AS3MT: variants seen among roughly 807,000 people sequenced by gnomAD.
AS3MT encodes arsenite methyltransferase, also known as S-adenosyl-L-methionine:arsenic(III) methyltransferase.
Under a neutral mutation model 45.3 loss-of-function variants are expected in AS3MT, and 47 were observed. The ratio of observed to expected loss-of-function variants is 1.04; its 90% CI spans 0.82 to 1.32. The LOEUF (loss-of-function observed/expected upper bound fraction) is 1.32, where lower values mean the gene tolerates loss of function less well. Among genes scored for constraint, AS3MT ranks in the 40% most tolerant of loss-of-function variants. The probability of loss-of-function intolerance (pLI) is 0.00; values close to 1 mark genes in which losing one functional copy is unlikely to be tolerated. For synonymous variants in AS3MT, 141 were observed against 152.8 expected, an observed-to-expected ratio of 0.92 and a Z score of 0.57; for missense variants, 396 against 451.1, an observed-to-expected ratio of 0.88 and a Z score of 1.11.
At chr10:102,883,946 AT>A (rs1844906391) in intron 9 of AS3MT, among the ~76,000 whole-genome samples, 1 of 149,882 alleles carries the variant, frequency 6.7e-6, no homozygotes, top group Non-Finnish European at 1.5e-5. Flanking sequence ...TCTTTTAGCA[AT>A]TTTCTTTTTT....
intron 9 of AS3MT, chr10:102,887,955 A>C (rs1347365200): frequency 6.4e-6 from 1 of 155,814 alleles, no homozygotes; most frequent in East Asian, 1.9e-4. Flanking sequence ...TTATTCTTCA[A>C]ATATTTTTTG....
intron 9 of AS3MT, among the ~76,000 whole-genome samples, chr10:102,890,145 C>T (rs942431771): frequency 3.3e-5 from 5 of 151,026 alleles, no homozygotes; most frequent in South Asian, 2.1e-4. Flanking sequence ...GGACAACAGG[C>T]GCCTGCCACT....
intron 6 of AS3MT, among the ~76,000 whole-genome samples, chr10:102,875,866 C>T (rs1844776890): frequency 6.6e-6 from 1 of 152,088 alleles, no homozygotes; most frequent in Non-Finnish European, 1.5e-5. Flanking sequence ...CATGATCTGC[C>T]TCAGCCTCCC....
chr10:102,896,630 A>AC (rs1259595583), intron 10 of AS3MT, among the ~76,000 whole-genome samples: 1 of 151,812 alleles, frequency 6.6e-6, no homozygotes, highest in Non-Finnish European at 1.5e-5. Context: ...AGATGGTGAA[A>AC]CCCCGTCTCT....
At chr10:102,894,656 CAG>C (rs1309938506) in intron 10 of AS3MT, among the ~76,000 whole-genome samples, 1 of 152,116 alleles carries the variant, frequency 6.6e-6, no homozygotes, top group African/African-American at 2.4e-5. Flanking sequence ...ACTGATAGAA[CAG>C]ACTCTTTAAA....
intron 10 of AS3MT, among the ~76,000 whole-genome samples, chr10:102,891,329 C>T (rs911958700): frequency 6.6e-6 from 1 of 152,208 alleles, no homozygotes; most frequent in Middle Eastern, 3.2e-3. Flanking sequence ...GCCCTGCTCA[C>T]GCCTGACTAG....
rs145061159 is a variant in AS3MT, at chr10:102,892,560, G to A, written c.1020+1882G>A. Among the ~76,000 whole-genome samples the A allele has an allele frequency of 1.8e-4, 27 of 152,174 alleles. No homozygotes were observed. The East Asian group carries it at 4.8e-3, about 27-fold the overall frequency. On this transcript the variant is annotated intron_variant, in intron 10 of 10. Transcript: ENST00000369880. ...CCATCCCAATCATAAAGAATTTCCTGCTTCTCGTAGAATGAAAAGAAAATT... is the reference window on the plus strand; with the variant it reads ...CCATCCCAATCATAAAGAATTTCCTACTTCTCGTAGAATGAAAAGAAAATT...
intron 6 of AS3MT, among the ~76,000 whole-genome samples, chr10:102,875,488 A>G (rs1319819989): frequency 1.3e-5 from 2 of 151,056 alleles, no homozygotes; most frequent in African/African-American, 2.4e-5. Flanking sequence ...AAAAAAAAAA[A>G]AAAAAAAAAA....
At chr10:102,875,090 TG>T (rs1276992930) in intron 6 of AS3MT, among the ~76,000 whole-genome samples, 1 of 152,222 alleles carries the variant, frequency 6.6e-6, no homozygotes, top group African/African-American at 2.4e-5. Flanking sequence ...TTACAGAAGA[TG>T]GAACTTTTAC....
Position 102,869,757 on chromosome 10 carries a change from C to G in AS3MT, c.2-48C>G, listed in dbSNP as rs752222012. The stretch of plus-strand genomic sequence containing the variant: ...CTTTACTGGCCCCCTCCCTCATGCC[C>G]GTCCCTCAGCACCCTCTCCTTTCAA... On this transcript the variant is annotated intron_variant, in intron 1 of 10. Coordinates refer to ENST00000369880, the MANE Select transcript of AS3MT (RefSeq NM_020682.4). The G allele has an allele frequency of 3.1e-6, 5 of 1,613,586 alleles. No individual in the cohort carries two copies. In the South Asian group the frequency reaches 5.5e-5, roughly 18 times the overall value.
chr10:102,893,642 C>T (rs1234570627), intron 10 of AS3MT, among the ~76,000 whole-genome samples: 4 of 148,746 alleles, frequency 2.7e-5, no homozygotes, highest in Admixed American at 6.7e-5. Context: ...ACTACAGGTG[C>T]GTGCCACCAT....
At chr10:102,891,793 C>T (rs1845074266) in intron 10 of AS3MT, among the ~76,000 whole-genome samples, 1 of 151,228 alleles carries the variant, frequency 6.6e-6, no homozygotes, top group East Asian at 1.9e-4. Context: ...ACCAAAAATA[C>T]AAAAAAATTA....
At chr10:102,898,414 G>A (rs1351770423) in intron 10 of AS3MT, among the ~76,000 whole-genome samples, 1 of 151,882 alleles carries the variant, frequency 6.6e-6, no homozygotes, top group Non-Finnish European at 1.5e-5. Context: ...TGTCTAACAT[G>A]GTGAAACCCC....
At chr10:102,890,774 G>C (rs1845057293) in intron 10 of AS3MT, 96 bp downstream of exon 10, 2 of 1,230,118 alleles carry the variant, frequency 1.6e-6, no homozygotes, top group Non-Finnish European at 2.2e-6. Context: ...GCAGTGGTGT[G>C]ATCTTGGCTC....
At chr10:102,894,159 C>T (rs2134131051) in intron 10 of AS3MT, among the ~76,000 whole-genome samples, 1 of 152,142 alleles carries the variant, frequency 6.6e-6, no homozygotes, top group East Asian at 1.9e-4. Context: ...GGCGCGGTGG[C>T]TCACACCTGT....
chr10:102,878,327 C>T (rs1314078365), intron 7 of AS3MT, 52 bp from the exon 8 acceptor site: 1 of 1,596,528 alleles, frequency 6.3e-7, no homozygotes, highest in African/African-American at 1.4e-5. Flanking sequence ...TCCCTTAATA[C>T]TGTATTAAGT....
chr10:102,888,637 T>C (rs1844997943), intron 9 of AS3MT, among the ~76,000 whole-genome samples: 1 of 151,896 alleles, frequency 6.6e-6, no homozygotes, highest in Non-Finnish European at 1.5e-5. Context: ...GTCAGGCTGG[T>C]CTCGAACTCC....
intron 10 of AS3MT, among the ~76,000 whole-genome samples, chr10:102,891,035 G>T (rs1280266369): frequency 1.3e-5 from 2 of 152,152 alleles, no homozygotes; most frequent in East Asian, 3.9e-4. Flanking sequence ...CTCTTGAGGC[G>T]CACTTCTCTT....
intron 10 of AS3MT, among the ~76,000 whole-genome samples, chr10:102,893,895 A>C (rs1323441197): frequency 6.6e-6 from 1 of 151,686 alleles, no homozygotes; most frequent in Non-Finnish European, 1.5e-5. Context: ...CGGCCTCCCA[A>C]AGTGCTGAGA....
Sources: gnomAD v4.1 joint callset for allele counts (sites outside exome capture counted in the v4.1 genomes callset) on GRCh38, gnomAD v4.1.1 for gene constraint, MANE v1.5 for transcripts, NCBI Gene and HGNC (gene_info 2026-07-23, HGNC 2026-07-21) for gene names.